The following TRPC6 variants were observed in gnomAD, a reference collection of about 807,000 sequenced individuals.
TRPC6 encodes the protein transient receptor potential cation channel subfamily C member 6.
A neutral mutation model predicts 90.7 loss-of-function variants in TRPC6; 55 were observed. That is an observed-to-expected ratio of 0.61 (90% CI 0.49 to 0.76). TRPC6 has a LOEUF of 0.76. TRPC6 is among the 30% of genes least tolerant of loss of function. The pLI is 0.00. For synonymous variants in TRPC6, 393 were observed against 393.0 expected (o/e 1.00, Z 0.00); for missense variants, 989 against 1,122.7 (o/e 0.88, Z 1.70).
intron 10 of TRPC6, among the ~76,000 whole-genome samples, chr11:101,467,246 A>G (rs1859170832): frequency 6.6e-6 from 1 of 152,070 alleles, no homozygotes; most frequent in South Asian, 2.1e-4. Flanking sequence ...TATGATTTTT[A>G]ACTGGACCCC....
At chr11:101,468,451 C>T (rs1330226168) in intron 10 of TRPC6, among the ~76,000 whole-genome samples, 2 of 152,168 alleles carry the variant, frequency 1.3e-5, no homozygotes, top group African/African-American at 4.8e-5. Flanking sequence ...AAAAAATGGT[C>T]TCCCTCCTTG....
chr11:101,520,620 C>T (rs1171004261), intron 1 of TRPC6, among the ~76,000 whole-genome samples: 7 of 151,982 alleles, frequency 4.6e-5, no homozygotes, highest in East Asian at 1.9e-4. Context: ...GAAGAAGACA[C>T]GAAGATGAGG....
Position 101,504,698 on chromosome 11 carries a change from G to A in TRPC6, c.271C>T (p.Arg91Cys), listed in dbSNP as rs200186406. Reference sequence around the variant, plus strand: ...TCCTCTATAGATAGGCTTGTGGAGCGATCACTAAACATGTATGCTGGTCCT... The same window carrying A: ...TCCTCTATAGATAGGCTTGTGGAGCAATCACTAAACATGTATGCTGGTCCT... ...NRGPAYMFSD[R>C]STSLSIEEER... The change falls in exon 2 of 13, where the codon CGC becomes TGC. Residue 91 changes from arginine to cysteine, a missense_variant. Physicochemically the swap from Arg to Cys is radical, Grantham distance 180 (BLOSUM62 -3). Coordinates refer to ENST00000344327, the MANE Select transcript of TRPC6 (RefSeq NM_004621.6). 81 of 1,594,254 alleles carry A rather than the reference G, an allele frequency of 5.1e-5. No individual in the cohort carries two copies. The highest frequency in any genetic ancestry group is 3.4e-4 in the Middle Eastern group (2 of 5,950).
At chr11:101,455,872 T>C (rs1591519579) in intron 10 of TRPC6, among the ~76,000 whole-genome samples, 2 of 152,280 alleles carry the variant, frequency 1.3e-5, no homozygotes, top group East Asian at 3.9e-4. Context: ...TTGAGGGTCC[T>C]CAAAATGTAA....
intron 1 of TRPC6, among the ~76,000 whole-genome samples, chr11:101,549,017 GT>G (rs5794112): frequency 0.24 from 36,716 of 150,536 alleles, 4,713 homozygotes; most frequent in East Asian, 0.4. Flanking sequence ...GTATCCTTCT[GT>G]TTTTTTTTGA....
intron 1 of TRPC6, among the ~76,000 whole-genome samples, chr11:101,507,137 A>G (rs993277328): frequency 6.6e-6 from 1 of 151,880 alleles, no homozygotes. Context: ...AAACATGACA[A>G]TGCAAGTGCT....
intron 1 of TRPC6, among the ~76,000 whole-genome samples, chr11:101,546,707 A>G (rs568214047): frequency 6.6e-6 from 1 of 152,326 alleles, no homozygotes; most frequent in Non-Finnish European, 1.5e-5. Flanking sequence ...GGATTTCAAA[A>G]AAAGTGAAGT....
chr11:101,458,113 A>G (rs1370597320), intron 10 of TRPC6, among the ~76,000 whole-genome samples: 2 of 152,146 alleles, frequency 1.3e-5, no homozygotes, highest in African/African-American at 4.8e-5. Context: ...CCTATTTTAT[A>G]TTAAAGTTAT....
chr11:101,583,507 G>A lies in TRPC6; in HGVS notation c.-4C>T, dbSNP rs547919440. 1 of 1,474,056 alleles carries A rather than the reference G, an allele frequency of 6.8e-7. No individual in the cohort carries two copies. Among genetic ancestry groups the A allele is most frequent in the African/African-American group, 1.4e-5 (1 of 69,122 alleles). The allele number at this position is 1,474,056 out of a possible 1,614,324, so 91.3% of individuals were successfully genotyped here. A position where few individuals can be genotyped will look rare whatever the true frequency, so the allele number is the denominator to read the frequency against. ...CGAACGCCGGGCTCTGGCTCATGGC[G>A]GGAACGCCCGACTGGCCTGGGCCCC... is the stretch of plus-strand genomic sequence containing the variant. On this transcript the variant is annotated 5_prime_UTR_variant, in exon 1 of 13. Coordinates refer to ENST00000344327, the MANE Select transcript of TRPC6 (RefSeq NM_004621.6).
intron 1 of TRPC6, among the ~76,000 whole-genome samples, chr11:101,569,261 G>T (rs1022810003): frequency 6.6e-6 from 1 of 151,284 alleles, no homozygotes; most frequent in African/African-American, 2.4e-5. Context: ...AAGATCAAAT[G>T]AAACAAAGAA....
In TRPC6 at chr11:101,504,134, C is replaced by T. The variant is rs1227885062; in HGVS notation, c.835G>A (p.Gly279Ser). The change falls in exon 2 of 13, where the codon GGC (glycine) becomes AGC (serine). Residue 279 changes from glycine to serine, a missense_variant. Around this residue, in one of 4 missense-constraint regions of TRPC6, gnomAD observed 486 missense variants for 591.9 expected, o/e 0.82. Coordinates refer to ENST00000344327, the MANE Select transcript of TRPC6 (RefSeq NM_004621.6). ...HSRSRINAYK[G>S]LASPAYLSLS... ...GACAGGTAAGCCGGACTTGCCAGGCCTTTATAGGCATTAATCCTAGATCTG... is the reference window on the plus strand; with the variant it reads ...GACAGGTAAGCCGGACTTGCCAGGCTTTTATAGGCATTAATCCTAGATCTG... 3 of 1,614,106 alleles carry T rather than the reference C, an allele frequency of 1.9e-6. No individual in the cohort carries two copies. Among genetic ancestry groups the T allele is most frequent in the Non-Finnish European group, 2.5e-6 (3 of 1,179,986 alleles).
intron 1 of TRPC6, among the ~76,000 whole-genome samples, chr11:101,566,746 G>T (rs1296592994): frequency 6.6e-6 from 1 of 152,198 alleles, no homozygotes; most frequent in Non-Finnish European, 1.5e-5. Context: ...CCAAAGCAGG[G>T]TGGGGCATCA....
At chr11:101,467,775 A>T (rs946829456) in intron 10 of TRPC6, among the ~76,000 whole-genome samples, 2 of 152,032 alleles carry the variant, frequency 1.3e-5, no homozygotes, top group Admixed American at 6.6e-5. Flanking sequence ...TAGAAATGTA[A>T]TTTTTTTTAA....
chr11:101,578,289 G>T (rs887880793), intron 1 of TRPC6, among the ~76,000 whole-genome samples: 5 of 149,066 alleles, frequency 3.4e-5, no homozygotes, highest in Non-Finnish European at 7.5e-5. Context: ...GCATAGGCCT[G>T]AGTCCATGTT....
At chr11:101,554,062 T>C (rs563211959) in intron 1 of TRPC6, among the ~76,000 whole-genome samples, 1 of 152,066 alleles carries the variant, frequency 6.6e-6, no homozygotes, top group Non-Finnish European at 1.5e-5. Flanking sequence ...TCTGCATCAG[T>C]TGAAGCTGAA....
intron 12 of TRPC6, 149 bp from the exon 13 acceptor site, chr11:101,453,255 T>TTTTG (rs1858805253): frequency 2.5e-6 from 2 of 802,578 alleles, no homozygotes; most frequent in Non-Finnish European, 4.0e-6. Context: ...TTGAGCAGGT[T>TTTTG]TTTGTTTTCT....
intron 10 of TRPC6, among the ~76,000 whole-genome samples, chr11:101,456,530 A>G (rs1242373400): frequency 6.6e-6 from 1 of 152,152 alleles, no homozygotes; most frequent in Non-Finnish European, 1.5e-5. Context: ...TTTACCATCT[A>G]TTCATTAACT....
chr11:101,513,962 G>C (rs1201112954), intron 1 of TRPC6, among the ~76,000 whole-genome samples: 1 of 152,154 alleles, frequency 6.6e-6, no homozygotes, highest in Non-Finnish European at 1.5e-5. Context: ...AGCTCCAAAT[G>C]CTCACAGTAC....
chr11:101,558,378 T>C lies in TRPC6; in HGVS notation c.170+24956A>G, dbSNP rs7935886. On this transcript the variant is annotated intron_variant, in intron 1 of 12. Transcript: ENST00000344327. ...ACATGTATATGGGTATACATGTATATATGTATACATGTATACATATACACA... is the reference window on the plus strand; with the variant it reads ...ACATGTATATGGGTATACATGTATACATGTATACATGTATACATATACACA... Among the ~76,000 whole-genome samples, 91 of 65,412 alleles carry C rather than the reference T, an allele frequency of 1.4e-3. 13 individuals carry two copies. The highest frequency in any genetic ancestry group is 4.0e-3 in the African/African-American group (57 of 14,170). The allele number at this position is 65,412 out of a possible 152,430, so 42.9% of individuals were successfully genotyped here.
Sources: allele counts gnomAD v4.1 joint callset (sites outside exome capture counted in the v4.1 genomes callset), GRCh38; gene constraint gnomAD v4.1.1; regional missense constraint gnomAD v4.1.1; transcripts MANE v1.5; gene names NCBI Gene and HGNC (gene_info 2026-07-23, HGNC 2026-07-21).